BIRC6: variants seen among roughly 807,000 people sequenced by gnomAD.
BIRC6 encodes baculoviral IAP repeat containing 6, also known as dual E2 ubiquitin-conjugating enzyme/E3 ubiquitin-protein ligase BIRC6.
BIRC6 carries 98 observed loss-of-function variants against 503.3 expected under a neutral mutation model. The observed-to-expected ratio is 0.19, with a 90% confidence interval of 0.17 to 0.23. The LOEUF (loss-of-function observed/expected upper bound fraction) is 0.23. Among genes scored for constraint, BIRC6 ranks in the 10% least tolerant of loss-of-function variants. The pLI, the probability that BIRC6 is intolerant of heterozygous loss-of-function variation, is 1.00. For missense variants in BIRC6, 5,360 were observed against 5,806.0 expected (o/e 0.92, Z 2.50); for synonymous variants, 2,240 against 2,078.7 (o/e 1.08, Z -2.11).
intron 73 of BIRC6, 40 bp from the exon 74 acceptor site, chr2:32,617,685 G>C: frequency 6.3e-7 from 1 of 1,586,352 alleles, no homozygotes; most frequent in Admixed American, 1.7e-5. Flanking sequence ...TTGTGCTAGA[G>C]GGTTTGCAGT....
chr2:32,532,677 C>T (rs1272179514), intron 61 of BIRC6, among the ~76,000 whole-genome samples: 1 of 152,004 alleles, frequency 6.6e-6, no homozygotes, highest in Non-Finnish European at 1.5e-5. Flanking sequence ...GTTATTGCTT[C>T]CCTAGTATTC....
At chr2:32,395,753 A>G (rs1282565767) in intron 6 of BIRC6, among the ~76,000 whole-genome samples, 160 bp downstream of exon 6, 1 of 152,204 alleles carries the variant, frequency 6.6e-6, no homozygotes, top group Non-Finnish European at 1.5e-5. Context: ...ACTCTGGCAC[A>G]CCACTTGGCA....
intron 8 of BIRC6, among the ~76,000 whole-genome samples, 161 bp downstream of exon 8, chr2:32,401,784 A>G (rs1360779746): frequency 1.3e-5 from 2 of 152,244 alleles, no homozygotes; most frequent in Non-Finnish European, 2.9e-5. Context: ...GTGATTCTTG[A>G]AGAAAAATCT....
chr2:32,524,525 G>C (rs1283720035), intron 57 of BIRC6, among the ~76,000 whole-genome samples: 2 of 152,110 alleles, frequency 1.3e-5, no homozygotes, highest in African/African-American at 4.8e-5. Flanking sequence ...TCATTTCTAT[G>C]TTGCGAGGAC....
chr2:32,612,825 A>C (rs2062970593), intron 73 of BIRC6, among the ~76,000 whole-genome samples: 1 of 152,218 alleles, frequency 6.6e-6, no homozygotes, highest in Non-Finnish European at 1.5e-5. Flanking sequence ...TGTTTTGAAA[A>C]AGAGAGAAAA....
At chr2:32,454,883 T>TA (rs1237369945) in intron 23 of BIRC6, among the ~76,000 whole-genome samples, 1 of 152,210 alleles carries the variant, frequency 6.6e-6, no homozygotes, top group East Asian at 1.9e-4. Context: ...ATGAGCTTTT[T>TA]AGATTAAAAA....
intron 10 of BIRC6, among the ~76,000 whole-genome samples, chr2:32,418,964 C>T (rs1165173600): frequency 1.3e-5 from 2 of 151,966 alleles, no homozygotes; most frequent in Non-Finnish European, 2.9e-5. Flanking sequence ...AACAAACAAA[C>T]AAAAAAGTAT....
chr2:32,492,530 T>C (rs1461454267), intron 44 of BIRC6, among the ~76,000 whole-genome samples: 1 of 152,044 alleles, frequency 6.6e-6, no homozygotes, highest in Non-Finnish European at 1.5e-5. Flanking sequence ...GGAAGACTCC[T>C]CGGGATCACC....
At chr2:32,504,901 G>A (rs2053631497) in intron 49 of BIRC6, 104 bp from the exon 50 acceptor site, 1 of 1,054,224 alleles carries the variant, frequency 9.5e-7, no homozygotes, top group Non-Finnish European at 1.4e-6. Context: ...AATTGTTCAT[G>A]TTTTCAATTA....
rs543192000 is a variant in BIRC6 at position 32,581,924 on chromosome 2, G to A, written c.13355+6558G>A. ...GTCACCCAGGATGGAGAGCAGTGGT[G>A]CGATCTTGGCTCACTGCAAGTTCCG... On this transcript the variant is annotated intron_variant, in intron 66 of 73. Coordinates refer to ENST00000421745, the MANE Select transcript of BIRC6 (RefSeq NM_016252.4). Among the ~76,000 whole-genome samples, 4 of 152,242 alleles carry A rather than the reference G, an allele frequency of 2.6e-5. No individual in the cohort carries two copies. The South Asian group carries it at 8.3e-4, about 32-fold the overall frequency.
intron 10 of BIRC6, among the ~76,000 whole-genome samples, chr2:32,418,957 A>G (rs1391333498): frequency 6.6e-6 from 1 of 152,180 alleles, no homozygotes; most frequent in South Asian, 2.1e-4. Flanking sequence ...CAAACAAAAC[A>G]AACAAACAAA....
intron 66 of BIRC6, among the ~76,000 whole-genome samples, chr2:32,592,053 C>T (rs888111634): frequency 6.6e-6 from 1 of 152,210 alleles, no homozygotes; most frequent in African/African-American, 2.4e-5. Flanking sequence ...CTGTAAAAGA[C>T]ACAGTATAGT....
chr2:32,401,762 A>C (rs1195673432), intron 8 of BIRC6, 139 bp downstream of exon 8: 1 of 698,344 alleles, frequency 1.4e-6, no homozygotes, highest in Non-Finnish European at 2.2e-6. Flanking sequence ...TTTGGTTAGA[A>C]ATCTGAAATC....
At position 32,575,357 on chromosome 2, in the gene BIRC6, A is replaced by C. The variant is rs1422951196; in HGVS notation, c.13346A>C (p.Asn4449Thr). Residue 4449 changes from asparagine (N) to threonine (T), a missense_variant, in exon 66 of 74, where the codon AAC (asparagine) becomes ACC (threonine). Physicochemically the swap from Asn to Thr is moderately conservative, Grantham distance 65 (BLOSUM62 0). Transcript: ENST00000421745. ...AAGACCTGTGTTGATACCTATACCA[A>C]CCGTTTAAGGTACTATATACAATGT... Reference protein sequence around the residue: ...KMKTCVDTYTNRLRSKRENVK... With the variant: ...KMKTCVDTYTTRLRSKRENVK... 6.2e-7 allele frequency: 1 copy of C among 1,613,130 alleles called. No individual in the cohort carries two copies. The highest frequency in any genetic ancestry group is 1.3e-5 in the African/African-American group (1 of 74,834).
At chr2:32,434,699 A>G (rs936309737) in intron 13 of BIRC6, among the ~76,000 whole-genome samples, 76 of 152,070 alleles carry the variant, frequency 5.0e-4, no homozygotes, top group African/African-American at 1.8e-3. Context: ...TTTTTAAAAA[A>G]ATTAGCTGGG....
intron 70 of BIRC6, among the ~76,000 whole-genome samples, chr2:32,601,376 G>T (rs551980770): frequency 6.6e-6 from 1 of 152,304 alleles, no homozygotes; most frequent in East Asian, 1.9e-4. Flanking sequence ...GAGGTCGGGA[G>T]TTTTAGACCA....
At chr2:32,575,071 G>C in intron 65 of BIRC6, 85 bp from the exon 66 acceptor site, 1 of 1,435,252 alleles carries the variant, frequency 7.0e-7, no homozygotes, top group Non-Finnish European at 9.7e-7. Flanking sequence ...ACCTTGGTAA[G>C]ATCCAGGTAA....
chr2:32,360,492 T>C (rs2149073510), intron 1 of BIRC6, among the ~76,000 whole-genome samples: 1 of 152,328 alleles, frequency 6.6e-6, no homozygotes, highest in Middle Eastern at 3.4e-3. Context: ...TCTAGTCTTG[T>C]CTCCTTATTT....
In BIRC6 at chr2:32,470,269, A is replaced by G. The variant is rs1390540866; in HGVS notation, c.6449A>G (p.Gln2150Arg). 6.3e-7 allele frequency: 1 copy of G among 1,575,450 alleles called. No homozygotes were observed. The highest frequency in any genetic ancestry group is 8.6e-7 in the Non-Finnish European group (1 of 1,158,886). Reference sequence around the variant, plus strand: ...TTGGATAATTTATTGTCACCTCTTCAGCCACAGTTACCCATGCATAGGAGG... The same window carrying G: ...TTGGATAATTTATTGTCACCTCTTCGGCCACAGTTACCCATGCATAGGAGG... ...NLLDNLLSPL[Q>R]PQLPMHRRTE... The change falls in exon 31 of 74, where the codon CAG becomes CGG. Residue 2150 changes from glutamine (Q) to arginine (R), a missense_variant. Gln to Arg is a conservative substitution (Grantham distance 43, BLOSUM62 1). Around this residue, in one of 16 missense-constraint regions of BIRC6, gnomAD observed 2,299 missense variants for 2,267.2 expected, o/e 1.01. Transcript: ENST00000421745.
Sources: allele counts gnomAD v4.1 joint callset (sites outside exome capture counted in the v4.1 genomes callset), GRCh38; gene constraint gnomAD v4.1.1; regional missense constraint gnomAD v4.1.1; transcripts MANE v1.5; gene names NCBI Gene and HGNC (gene_info 2026-07-23, HGNC 2026-07-21).